MED27: variants seen among roughly 807,000 people sequenced by gnomAD.
MED27 encodes the protein mediator complex subunit 27, also known as mediator of RNA polymerase II transcription subunit 27.
In MED27, 30 loss-of-function variants were observed where a neutral mutation model predicts 38.2. The ratio of observed to expected loss-of-function variants is 0.79; its 90% CI spans 0.59 to 1.07. MED27 has a LOEUF of 1.07. Among genes scored for constraint, MED27 ranks in the 50% least tolerant of loss-of-function variants. The pLI, the probability that MED27 is intolerant of heterozygous loss-of-function variation, is 0.00. For missense variants in MED27, 289 were observed against 397.5 expected, an observed-to-expected ratio of 0.73 and a Z score of 2.32; for synonymous variants, 122 against 153.5, an observed-to-expected ratio of 0.79 and a Z score of 1.52.
At chr9:132,077,336 C>T (rs1034871983) in intron 2 of MED27, 106 bp downstream of exon 2, 13 of 1,163,322 alleles carry the variant, frequency 1.1e-5, no homozygotes, top group Non-Finnish European at 1.6e-5. Context: ...CATGCTGAAT[C>T]AAGAACATAA....
chr9:131,890,100 C>A (rs1442388798), intron 5 of MED27, among the ~76,000 whole-genome samples: 1 of 152,144 alleles, frequency 6.6e-6, no homozygotes, highest in Non-Finnish European at 1.5e-5. Context: ...TACACACACA[C>A]AGAGTACTCA....
chr9:131,952,638 T>C (rs1298949000), intron 3 of MED27, among the ~76,000 whole-genome samples: 1 of 152,080 alleles, frequency 6.6e-6, no homozygotes, highest in Non-Finnish European at 1.5e-5. Flanking sequence ...ATGTGGAAGG[T>C]GGAAAAGCAG....
chr9:131,920,789 G>A (rs1830377255), intron 4 of MED27, among the ~76,000 whole-genome samples: 1 of 152,046 alleles, frequency 6.6e-6, no homozygotes, highest in African/African-American at 2.4e-5. Context: ...TGGTGGGGGA[G>A]AGGGGGTGGA....
intron 2 of MED27, among the ~76,000 whole-genome samples, chr9:132,070,782 G>GC (rs1326556290): frequency 6.6e-6 from 1 of 151,724 alleles, no homozygotes; most frequent in Non-Finnish European, 1.5e-5. Context: ...CCCTGCCTTT[G>GC]CCCCTCGACT....
At chr9:131,946,497 G>A (rs892465876) in intron 3 of MED27, among the ~76,000 whole-genome samples, 6 of 152,196 alleles carry the variant, frequency 3.9e-5, no homozygotes, top group Non-Finnish European at 7.4e-5. Context: ...TGACTTCAGA[G>A]GTCATCTGAT....
chr9:132,007,515 T>C (rs898746913), intron 3 of MED27, among the ~76,000 whole-genome samples: 1 of 152,158 alleles, frequency 6.6e-6, no homozygotes, highest in South Asian at 2.1e-4. Context: ...GGTATAAGTA[T>C]AGATATCAGA....
chr9:131,945,757 C>T (rs1001233550), intron 3 of MED27, among the ~76,000 whole-genome samples: 3 of 144,730 alleles, frequency 2.1e-5, no homozygotes, highest in Admixed American at 7.1e-5. Context: ...CTCAGGAGTT[C>T]GAGATCAGCC....
intron 4 of MED27, among the ~76,000 whole-genome samples, chr9:131,904,571 C>G (rs1327914889): frequency 6.6e-6 from 1 of 151,360 alleles, no homozygotes; most frequent in African/African-American, 2.4e-5. Flanking sequence ...GTTGCCCAGG[C>G]TGGCCTTGAA....
chr9:131,997,077 G>A lies in MED27; in HGVS notation c.479+17260C>T, dbSNP rs957136032. ...AAGGGTCAACTGTAGTTTAACAGTG[G>A]GTATTCATTGTAAAAAATAAAATTA... On this transcript the variant is annotated intron_variant, in intron 3 of 7. Coordinates refer to ENST00000292035, the MANE Select transcript of MED27 (RefSeq NM_004269.4). The surrounding 1 kb of genome is among the most constrained non-coding windows in gnomAD (Gnocchi z 4.0). Among the ~76,000 whole-genome samples, 1 of 152,012 alleles carries A rather than the reference G, an allele frequency of 6.6e-6. No homozygotes were observed. The highest frequency in any genetic ancestry group is 1.5e-5 in the Non-Finnish European group (1 of 67,998).
intron 3 of MED27, among the ~76,000 whole-genome samples, chr9:131,953,576 T>C (rs1447057789): frequency 1.3e-5 from 2 of 151,894 alleles, no homozygotes; most frequent in African/African-American, 4.8e-5. Context: ...TATACAAATA[T>C]TATACAAATT....
intron 3 of MED27, among the ~76,000 whole-genome samples, chr9:131,946,156 G>C (rs1830883444): frequency 6.6e-6 from 1 of 152,006 alleles, no homozygotes; most frequent in Non-Finnish European, 1.5e-5. Context: ...TCCACTAATA[G>C]ACAGTTAAGT....
intron 3 of MED27, among the ~76,000 whole-genome samples, chr9:131,983,794 T>C (rs1029822236): frequency 1.3e-5 from 2 of 152,218 alleles, no homozygotes; most frequent in African/African-American, 4.8e-5. Context: ...TAAATGGATA[T>C]CTTAATAATT....
At chr9:132,034,451 G>A (rs1419034772) in intron 2 of MED27, among the ~76,000 whole-genome samples, 1 of 152,130 alleles carries the variant, frequency 6.6e-6, no homozygotes, top group Non-Finnish European at 1.5e-5. Context: ...CCTGCCCTTC[G>A]CTTTGATGCT....
chr9:132,074,307 A>C (rs561691861), intron 2 of MED27, among the ~76,000 whole-genome samples: 37 of 152,382 alleles, frequency 2.4e-4, no homozygotes, highest in African/African-American at 7.2e-4. Context: ...TTAATATTCC[A>C]ACTGACTTTA....
chr9:131,867,926 C>A (rs532350958), intron 6 of MED27, among the ~76,000 whole-genome samples: 2 of 152,174 alleles, frequency 1.3e-5, no homozygotes, highest in Non-Finnish European at 2.9e-5. Context: ...AGTGGCAAGG[C>A]TGGGGCATAT....
chr9:132,033,170 A>G (rs1833000184), intron 2 of MED27, among the ~76,000 whole-genome samples: 1 of 152,246 alleles, frequency 6.6e-6, no homozygotes, highest in African/African-American at 2.4e-5. Flanking sequence ...TTACACAATT[A>G]TGAAGGCAAT....
intron 4 of MED27, among the ~76,000 whole-genome samples, chr9:131,924,817 ACAT>A (rs1196421540): frequency 6.6e-6 from 1 of 152,178 alleles, no homozygotes; most frequent in Non-Finnish European, 1.5e-5. Context: ...CTATTTTTCC[ACAT>A]CATCACCACC....
intron 4 of MED27, among the ~76,000 whole-genome samples, chr9:131,920,365 C>T (rs1830366564): frequency 1.3e-5 from 2 of 152,174 alleles, no homozygotes; most frequent in African/African-American, 4.8e-5. Context: ...TTGCTCATCT[C>T]AGTATTTGAA....
At chr9:132,030,241 G>T (rs1033686788) in intron 2 of MED27, among the ~76,000 whole-genome samples, 2 of 152,210 alleles carry the variant, frequency 1.3e-5, no homozygotes, top group South Asian at 2.1e-4. Flanking sequence ...AGCGCTGCCT[G>T]GCTCTCCAAG....
Sources: gnomAD v4.1 joint callset for allele counts (sites outside exome capture counted in the v4.1 genomes callset) on GRCh38, gnomAD v4.1.1 for gene constraint, Gnocchi (gnomAD v3.1) non-coding constraint, MANE v1.5 for transcripts, NCBI Gene and HGNC (gene_info 2026-07-23, HGNC 2026-07-21) for gene names.